Variants in IKZF2 observed in about 807,000 individuals in gnomAD.
The protein encoded by IKZF2 is IKAROS family zinc finger 2.
IKZF2 carries 15 observed loss-of-function variants against 49.2 expected under a neutral mutation model. The observed-to-expected ratio is 0.30, with a 90% CI of 0.20 to 0.47. The LOEUF is 0.47. Ranked by LOEUF, IKZF2 falls within the 20% of genes least tolerant of loss-of-function variation. IKZF2 has a pLI of 1.00. For missense variants in IKZF2, 567 were observed against 664.6 expected, an observed-to-expected ratio of 0.85 and a Z score of 1.61; for synonymous variants, 227 against 221.4, an observed-to-expected ratio of 1.03 and a Z score of -0.23.
In IKZF2 at chr2:213,145,959, TAAA is replaced by T. The variant is rs972250606; in HGVS notation, c.139+1746_139+1748del. On this transcript the variant is annotated intron_variant, in intron 4 of 8. Transcript: ENST00000434687. The stretch of plus-strand genomic sequence containing the variant: ...ATGCCTACACTCTGCACTGTTTATT[TAAA>T]AAGATGAGTGAACTGCCTTTCTGAA... 2.4e-4 allele frequency among the ~76,000 whole-genome samples: 37 copies of T among 152,074 alleles called. 1 individual carries two copies. Among genetic ancestry groups the T allele is most frequent in the Non-Finnish European group, 5.0e-4 (34 of 67,922 alleles).
chr2:213,003,399 C>T lies in IKZF2; in HGVS notation c.*3961G>A, dbSNP rs1203480472. ...GGGGAATTTTCTGGTTTAGAATAGT[C>T]TTCATTCAGATAGTATTTATTAAAA... On this transcript the variant is annotated 3_prime_UTR_variant, in exon 9 of 9. Coordinates refer to ENST00000434687, the MANE Select transcript of IKZF2 (RefSeq NM_001387220.1). 1 of 151,548 alleles carries T rather than the reference C, an allele frequency of 6.6e-6. No individual in the cohort carries two copies. The highest frequency in any genetic ancestry group is 1.5e-5 in the Non-Finnish European group (1 of 67,610). The allele number at this position is 151,548 out of a possible 1,614,324, so 9.4% of individuals were successfully genotyped here.
chr2:213,120,684 C>T (rs1402804237), intron 4 of IKZF2, among the ~76,000 whole-genome samples: 1 of 152,232 alleles, frequency 6.6e-6, no homozygotes, highest in Admixed American at 6.5e-5. Flanking sequence ...AATTCTATAA[C>T]TCTAACTGGA....
chr2:213,014,342 T>C (rs1696331612), intron 7 of IKZF2: 1 of 154,652 alleles, frequency 6.5e-6, no homozygotes, highest in South Asian at 2.0e-4. Flanking sequence ...GAGAAAAGCT[T>C]AAACAGACAT....
intron 4 of IKZF2, among the ~76,000 whole-genome samples, chr2:213,060,506 G>A (rs1442179286): frequency 2.0e-5 from 3 of 151,160 alleles, no homozygotes; most frequent in African/African-American, 7.3e-5. Flanking sequence ...TCATAAATGG[G>A]CTATAAAGAT....
At chr2:213,041,452 G>A (rs963139161) in intron 6 of IKZF2, among the ~76,000 whole-genome samples, 1 of 151,938 alleles carries the variant, frequency 6.6e-6, no homozygotes, top group African/African-American at 2.4e-5. Flanking sequence ...ACAGGCGTGT[G>A]CTATCACGCC....
chr2:213,122,087 AAGAC>A (rs546709368), intron 4 of IKZF2, among the ~76,000 whole-genome samples: 2 of 152,218 alleles, frequency 1.3e-5, no homozygotes, highest in Non-Finnish European at 2.9e-5. Context: ...AGGAAAAGAA[AAGAC>A]AGACAGAGAG....
intron 4 of IKZF2, among the ~76,000 whole-genome samples, chr2:213,058,110 A>C (rs1038784246): frequency 6.6e-6 from 1 of 152,182 alleles, no homozygotes; most frequent in Non-Finnish European, 1.5e-5. Context: ...TTTCATAAAA[A>C]GGAAGTAAGT....
chr2:213,087,193 A>T (rs909911461), intron 4 of IKZF2, among the ~76,000 whole-genome samples: 4 of 151,916 alleles, frequency 2.6e-5, no homozygotes, highest in Admixed American at 1.3e-4. Flanking sequence ...AGAGCAGAGG[A>T]AAAAAAATGC....
At chr2:213,084,553 GA>G (rs1374974027) in intron 4 of IKZF2, among the ~76,000 whole-genome samples, 12 of 148,834 alleles carry the variant, frequency 8.1e-5, no homozygotes, top group Non-Finnish European at 1.8e-4. Context: ...AAAGGTTTCT[GA>G]AAAAAATCAT....
chr2:213,022,235 C>T, intron 6 of IKZF2, 105 bp from the exon 7 acceptor site: 1 of 1,113,360 alleles, frequency 9.0e-7, no homozygotes, highest in Admixed American at 2.9e-5. Context: ...ATATAATTTT[C>T]AGACTTAAAT....
chr2:213,144,383 A>G (rs989311435), intron 4 of IKZF2, among the ~76,000 whole-genome samples: 2 of 151,998 alleles, frequency 1.3e-5, no homozygotes, highest in African/African-American at 2.4e-5. Context: ...GATAAGAAAA[A>G]TAAAATTAAT....
At position 213,049,971 on chromosome 2, in the gene IKZF2, T is replaced by C. The variant is rs991253521; in HGVS notation, c.407-91A>G. The stretch of plus-strand genomic sequence containing the variant: ...ACTGTTAACCAAAGCCAGTTCTCTA[T>C]GCTAAAAATGTTCATCTCCCTCATA... On this transcript the variant is annotated intron_variant, in intron 5 of 8. Transcript: ENST00000434687. The C allele has an allele frequency of 6.7e-6, 6 of 889,078 alleles. No homozygotes were observed. In the African/African-American group the frequency reaches 6.9e-5, roughly 10 times the overall value. The allele number at this position is 889,078 out of a possible 1,614,324, so 55.1% of individuals were successfully genotyped here. A position where few individuals can be genotyped will look rare whatever the true frequency, so the allele number is the denominator to read the frequency against.
At chr2:213,092,742 A>G (rs1261190119) in intron 4 of IKZF2, among the ~76,000 whole-genome samples, 2 of 152,128 alleles carry the variant, frequency 1.3e-5, no homozygotes, top group Non-Finnish European at 2.9e-5. Flanking sequence ...CATGAGTTCA[A>G]AAGGGTTTCT....
intron 4 of IKZF2, among the ~76,000 whole-genome samples, chr2:213,123,150 C>G (rs2060113018): frequency 6.6e-6 from 1 of 152,268 alleles, no homozygotes; most frequent in Non-Finnish European, 1.5e-5. Context: ...TCCATATTAT[C>G]TTTTTCACCT....
At chr2:213,074,071 A>T (rs888280897) in intron 4 of IKZF2, among the ~76,000 whole-genome samples, 75 of 152,366 alleles carry the variant, frequency 4.9e-4, no homozygotes, top group African/African-American at 1.4e-3. Context: ...AAGATTGAAA[A>T]GAAAAAACTT....
chr2:213,121,250 C>A (rs1055821493), intron 4 of IKZF2, among the ~76,000 whole-genome samples: 1 of 152,106 alleles, frequency 6.6e-6, no homozygotes. Context: ...TATAATATTT[C>A]TACTGATTCT....
intron 6 of IKZF2, among the ~76,000 whole-genome samples, chr2:213,023,855 C>T (rs1462662520): frequency 3.9e-5 from 6 of 152,054 alleles, no homozygotes; most frequent in Admixed American, 3.3e-4. Flanking sequence ...ATTATGATGC[C>T]TCTGTTGTAC....
intron 2 of IKZF2, among the ~76,000 whole-genome samples, chr2:213,149,777 A>AC (rs112304660): frequency 0.042 from 4,164 of 97,998 alleles, 230 homozygotes; most frequent in African/African-American, 0.14. Context: ...ACACTCCCTT[A>AC]CCCCCCCCCC....
At chr2:213,077,379 A>G (rs1703382953) in intron 4 of IKZF2, among the ~76,000 whole-genome samples, 1 of 152,038 alleles carries the variant, frequency 6.6e-6, no homozygotes. Context: ...CTGTATTTAA[A>G]TTTTCTCTAA....
Sources: gnomAD v4.1 joint callset for allele counts (sites outside exome capture counted in the v4.1 genomes callset) on GRCh38, gnomAD v4.1.1 for gene constraint, MANE v1.5 for transcripts, NCBI Gene and HGNC (gene_info 2026-07-23, HGNC 2026-07-21) for gene names.